The following MYH15 variants were observed in gnomAD, a reference collection of about 807,000 sequenced individuals.
MYH15 encodes the protein myosin heavy chain 15.
In MYH15, 227 loss-of-function variants were observed where a neutral mutation model predicts 240.5. The observed-to-expected ratio is 0.94, with a 90% CI of 0.85 to 1.05. The LOEUF (loss-of-function observed/expected upper bound fraction) is 1.05. MYH15 is among the 50% of genes least tolerant of loss of function. MYH15 has a pLI of 0.00. For synonymous variants in MYH15, 785 were observed against 796.7 expected, an observed-to-expected ratio of 0.99 and a Z score of 0.25; for missense variants, 2,217 against 2,247.5, an observed-to-expected ratio of 0.99 and a Z score of 0.27.
At chr3:108,454,336 G>A (rs1056646209) in intron 20 of MYH15, among the ~76,000 whole-genome samples, 194 bp from the exon 21 acceptor site, 10 of 149,550 alleles carry the variant, frequency 6.7e-5, no homozygotes, top group African/African-American at 2.5e-4. Flanking sequence ...AAAAAAAAAC[G>A]TTATTAAATC....
chr3:108,393,265 G>A (rs1560310920), intron 36 of MYH15, among the ~76,000 whole-genome samples: 1 of 152,184 alleles, frequency 6.6e-6, no homozygotes, highest in South Asian at 2.1e-4. Flanking sequence ...TGGAGAAGGG[G>A]TGAGCAGAGA....
intron 11 of MYH15, among the ~76,000 whole-genome samples, chr3:108,481,070 C>T (rs1028869597): frequency 6.6e-6 from 1 of 152,022 alleles, no homozygotes; most frequent in Admixed American, 6.6e-5. Flanking sequence ...CAGTAAGATG[C>T]TTAAGTTAAT....
At chr3:108,402,056 G>A (rs2082509668) in intron 33 of MYH15, among the ~76,000 whole-genome samples, 2 of 152,150 alleles carry the variant, frequency 1.3e-5, no homozygotes, top group African/African-American at 4.8e-5. Flanking sequence ...TTAAATCATT[G>A]ACAATGCAGT....
At chr3:108,493,685 A>T (rs996285013) in intron 7 of MYH15, among the ~76,000 whole-genome samples, 3 of 152,240 alleles carry the variant, frequency 2.0e-5, no homozygotes, top group Admixed American at 6.5e-5. Flanking sequence ...AGCTACTGCA[A>T]CAGCTCTGAC....
the MYH15 span, among the ~76,000 whole-genome samples, chr3:108,541,319 A>C: frequency 6.6e-6 from 1 of 152,028 alleles, no homozygotes; most frequent in South Asian, 2.1e-4. Context: ...AAATGATGAA[A>C]AAATTACAAA....
At chr3:108,492,858 G>T (rs2083362329) in intron 8 of MYH15, among the ~76,000 whole-genome samples, 1 of 152,058 alleles carries the variant, frequency 6.6e-6, no homozygotes, top group Non-Finnish European at 1.5e-5. Context: ...GGCTGAGGTA[G>T]AGGATTGCTT....
chr3:108,486,330 T>C, intron 10 of MYH15, 93 bp downstream of exon 10: 1 of 1,036,854 alleles, frequency 9.6e-7, no homozygotes, highest in Non-Finnish European at 1.4e-6. Context: ...GCAAGACCAC[T>C]TCTCTGGGTC....
chr3:108,470,755 C>T lies in MYH15; in HGVS notation c.1326G>A (p.Lys442=), dbSNP rs1405223840. ...TGCCAATGAAGAACTGCCTTGACAG[C>T]TTGGCATCCAGGGCCCTGTTGATCC... is the stretch of plus-strand genomic sequence containing the variant. The part of the protein sequence containing the change: ...VARINRALDA[K]LSRQFFIGIL... The change falls in exon 13 of 41, where the codon AAG becomes AAA. Residue 442 remains lysine, a synonymous_variant. Coordinates refer to ENST00000693548, the MANE Select transcript of MYH15 (RefSeq NM_014981.3). 1 of 1,613,730 alleles carries T rather than the reference C, an allele frequency of 6.2e-7. No individual in the cohort carries two copies. Among genetic ancestry groups the T allele is most frequent in the East Asian group, 2.2e-5 (1 of 44,858 alleles).
intron 18 of MYH15, among the ~76,000 whole-genome samples, chr3:108,459,013 TC>T (rs1157843790): frequency 6.0e-5 from 9 of 150,070 alleles, no homozygotes; most frequent in Admixed American, 1.3e-4. Flanking sequence ...TCTACCTTAA[TC>T]CCCTAATTGA....
At chr3:108,492,103 C>G (rs1409170564) in intron 9 of MYH15, among the ~76,000 whole-genome samples, 2 of 151,796 alleles carry the variant, frequency 1.3e-5, no homozygotes, top group African/African-American at 4.8e-5. Context: ...AGAGAAAACT[C>G]CCATTGACCA....
Position 108,478,132 on chromosome 3 carries a change from C to T in MYH15, c.1115-1617G>A, listed in dbSNP as rs1363552315. On this transcript the variant is annotated intron_variant, in intron 11 of 40. Transcript: ENST00000693548. ...TGCAAATTTTCCAGAGCAATAATCA[C>T]GAACAGAAAATAAAGTAAAAACAAA... Among the ~76,000 whole-genome samples the T allele has an allele frequency of 3.3e-5, 5 of 151,958 alleles. No individual in the cohort carries two copies. In the East Asian group the frequency reaches 5.8e-4, roughly 18 times the overall value.
chr3:108,432,907 T>A (rs747165631), intron 25 of MYH15, among the ~76,000 whole-genome samples: 3 of 152,076 alleles, frequency 2.0e-5, no homozygotes, highest in Admixed American at 1.3e-4. Context: ...TATAGCAGTG[T>A]GGAAGGGAAA....
At chr3:108,428,136 G>A (rs2082741066) in intron 27 of MYH15, among the ~76,000 whole-genome samples, 1 of 152,166 alleles carries the variant, frequency 6.6e-6, no homozygotes, top group African/African-American at 2.4e-5. Context: ...GAGTATCCAG[G>A]CCATCACTGA....
At chr3:108,409,684 G>A (rs920546613) in intron 31 of MYH15, among the ~76,000 whole-genome samples, 10 of 152,180 alleles carry the variant, frequency 6.6e-5, no homozygotes, top group Non-Finnish European at 1.5e-5. Flanking sequence ...TTGGTGCTGG[G>A]ATAAGTTGGC....
In MYH15 at chr3:108,485,128, T is replaced by G. The variant is rs1271785084; in HGVS notation, c.1077A>C (p.Lys359Asn). The change falls in exon 11 of 41, where the codon AAA (lysine) becomes AAC (asparagine). Residue 359 changes from lysine to asparagine, a missense_variant. Coordinates refer to ENST00000693548, the MANE Select transcript of MYH15 (RefSeq NM_014981.3). ...MHFGNMKFKQ[K>N]PREEQLEADG... is the part of the protein sequence containing the mutation. ...CTGCTTCCAGTTGCTCTTCTCTAGGTTTCTGTTTAAATTTCATATTTCCAA... is the reference window on the plus strand; with the variant it reads ...CTGCTTCCAGTTGCTCTTCTCTAGGGTTCTGTTTAAATTTCATATTTCCAA... 6.2e-7 allele frequency: 1 copy of G among 1,614,090 alleles called. No homozygotes were observed. The highest frequency in any genetic ancestry group is 1.7e-5 in the Admixed American group (1 of 60,026).
At chr3:108,527,494 G>A (rs2083681833) in intron 1 of MYH15, among the ~76,000 whole-genome samples, 3 of 152,044 alleles carry the variant, frequency 2.0e-5, no homozygotes. Context: ...CATGTTTTAT[G>A]AGACAATTTA....
chr3:108,455,810 T>C lies in MYH15; in HGVS notation c.2188A>G (p.Ser730Gly). The change falls in exon 20 of 41, where the codon AGC becomes GGC. Residue 730 changes from serine to glycine, a missense_variant. Physicochemically the swap from Ser to Gly is moderately conservative, Grantham distance 56. Coordinates refer to ENST00000693548, the MANE Select transcript of MYH15 (RefSeq NM_014981.3). ...RTFPKSKFVS[S>G]RKAAEELLGS... Reference sequence around the variant, plus strand: ...AGTAATTCTTCAGCTGCTTTTCTGCTGCTCACAAACTTGCTCTTTGGAAAG... The same window carrying C: ...AGTAATTCTTCAGCTGCTTTTCTGCCGCTCACAAACTTGCTCTTTGGAAAG... 6.2e-7 allele frequency: 1 copy of C among 1,613,374 alleles called. No homozygotes were observed. The highest frequency in any genetic ancestry group is 1.1e-5 in the South Asian group (1 of 91,062).
At chr3:108,517,226 A>C (rs1249509697) in intron 1 of MYH15, among the ~76,000 whole-genome samples, 1 of 152,046 alleles carries the variant, frequency 6.6e-6, no homozygotes, top group Non-Finnish European at 1.5e-5. Context: ...CTGGCTCTTT[A>C]ATCCTTTCAG....
In MYH15 at chr3:108,399,208, C is replaced by G; in HGVS notation, c.4796G>C (p.Ser1599Thr). The stretch of plus-strand genomic sequence containing the variant: ...CTTCAGCCGGGTAACCTCAATTCTG[C>G]TCTTAGCTTCAGAATCCAGACTAGA... Reference protein sequence around the residue: ...LQSSLDSEAKSRIEVTRLKKK... With the variant: ...LQSSLDSEAKTRIEVTRLKKK... The change falls in exon 34 of 41, where the codon AGC (serine) becomes ACC (threonine). Residue 1599 changes from serine to threonine, a missense_variant. Ser to Thr is a moderately conservative substitution (Grantham distance 58). Transcript: ENST00000693548. The G allele has an allele frequency of 6.2e-7, 1 of 1,614,188 alleles. No individual in the cohort carries two copies.
Sources: allele counts gnomAD v4.1 joint callset (sites outside exome capture counted in the v4.1 genomes callset), GRCh38; gene constraint gnomAD v4.1.1; transcripts MANE v1.5; gene names NCBI Gene and HGNC (gene_info 2026-07-23, HGNC 2026-07-21).